Variants in IL23R observed in about 807,000 individuals in gnomAD.
IL23R encodes interleukin 23 receptor.
IL23R carries 34 observed loss-of-function variants against 56.9 expected under a neutral mutation model. The ratio of observed to expected loss-of-function variants is 0.60; its 90% confidence interval spans 0.45 to 0.80. The LOEUF (loss-of-function observed/expected upper bound fraction) is 0.80. Among genes scored for constraint, IL23R ranks in the 30% least tolerant of loss-of-function variants. The pLI is 0.00. For synonymous variants in IL23R, 230 were observed against 249.2 expected (o/e 0.92, Z 0.73); for missense variants, 635 against 730.0 (o/e 0.87, Z 1.50).
chr1:67,231,092 T>C (rs1266158511), intron 7 of IL23R, among the ~76,000 whole-genome samples: 1 of 152,206 alleles, frequency 6.6e-6, no homozygotes, highest in African/African-American at 2.4e-5. Context: ...CTTGAATATC[T>C]AGAACCCCTG....
chr1:67,168,263 GT>G, intron 2 of IL23R, 73 bp downstream of exon 2: 1 of 1,112,112 alleles, frequency 9.0e-7, no homozygotes, highest in East Asian at 2.4e-5. Flanking sequence ...CATTTTCATG[GT>G]TTTATGTTAG....
At chr1:67,157,575 G>A (rs1213144535) in intron 1 of IL23R, among the ~76,000 whole-genome samples, 4 of 152,002 alleles carry the variant, frequency 2.6e-5, no homozygotes, top group Non-Finnish European at 4.4e-5. Context: ...TTCCCACACC[G>A]GCCTCCATAC....
chr1:67,259,146 C>A lies in IL23R; in HGVS notation c.*18C>A. 1.9e-6 allele frequency: 3 copies of A among 1,612,870 alleles called. No individual in the cohort carries two copies. The South Asian group carries it at 3.3e-5, about 18-fold the overall frequency. On this transcript the variant is annotated 3_prime_UTR_variant, in exon 11 of 11. Coordinates refer to ENST00000347310, the MANE Select transcript of IL23R (RefSeq NM_144701.3). Reference sequence around the variant, plus strand: ...AAAAGTAGAGCTGTGTGGTCAAAATCAATATGAGAAAGCTGCCTTGCAATC... The same window carrying A: ...AAAAGTAGAGCTGTGTGGTCAAAATAAATATGAGAAAGCTGCCTTGCAATC...
chr1:67,168,145 G>C lies in IL23R; in HGVS notation c.25G>C (p.Asp9His). MNQVTIQW[D>H]AVIALYILFS... Reference sequence around the variant, plus strand: ...CATGAATCAGGTCACTATTCAATGGGATGCAGTAATAGCCCTTTACATACT... The same window carrying C: ...CATGAATCAGGTCACTATTCAATGGCATGCAGTAATAGCCCTTTACATACT... The change falls in exon 2 of 11, where the codon GAT becomes CAT. Residue 9 changes from aspartate to histidine, a missense_variant. By Grantham distance (81) the Asp-to-His change is moderately conservative (BLOSUM62 -1). Coordinates refer to ENST00000347310, the MANE Select transcript of IL23R (RefSeq NM_144701.3). The C allele has an allele frequency of 6.2e-7, 1 of 1,612,014 alleles. No individual in the cohort carries two copies. The highest frequency in any genetic ancestry group is 8.5e-7 in the Non-Finnish European group (1 of 1,178,264).
intron 9 of IL23R, among the ~76,000 whole-genome samples, chr1:67,254,834 A>C (rs909044997): frequency 1.3e-5 from 2 of 152,228 alleles, no homozygotes; most frequent in Non-Finnish European, 2.9e-5. Context: ...GTTTTTAAAC[A>C]CAATGGCAGT....
chr1:67,165,635 A>G (rs1646866252), upstream of IL23R, among the ~76,000 whole-genome samples: 1 of 152,218 alleles, frequency 6.6e-6, no homozygotes, highest in Non-Finnish European at 1.5e-5. Context: ...TGCAGCCATA[A>G]AAAGGAAGGA....
chr1:67,247,877 T>C (rs1652344083), intron 9 of IL23R, among the ~76,000 whole-genome samples: 1 of 152,182 alleles, frequency 6.6e-6, no homozygotes, highest in African/African-American at 2.4e-5. Context: ...TTATGAAGCT[T>C]AGTTTGGCTG....
chr1:67,239,488 C>T (rs1189987249), intron 8 of IL23R, among the ~76,000 whole-genome samples: 3 of 152,202 alleles, frequency 2.0e-5, no homozygotes, highest in Non-Finnish European at 2.9e-5. Context: ...TGGTCTCAAA[C>T]TTCTGAGCTC....
chr1:67,215,044 A>G (rs1490682903), intron 6 of IL23R, among the ~76,000 whole-genome samples: 3 of 152,162 alleles, frequency 2.0e-5, no homozygotes, highest in Non-Finnish European at 4.4e-5. Flanking sequence ...GCTTGCTCAA[A>G]TCAATCACGA....
intron 1 of IL23R, among the ~76,000 whole-genome samples, chr1:67,158,836 C>T (rs989919731): frequency 2.0e-5 from 3 of 151,190 alleles, no homozygotes; most frequent in Admixed American, 1.3e-4. Context: ...GCAGATTTTA[C>T]CCTTGGTGTT....
chr1:67,190,181 C>T (rs1347959294), intron 4 of IL23R, among the ~76,000 whole-genome samples: 1 of 152,190 alleles, frequency 6.6e-6, no homozygotes, highest in African/African-American at 2.4e-5. Flanking sequence ...TAGAGAGAAG[C>T]TTTTTACCTG....
chr1:67,244,671 A>G (rs1411386904), intron 9 of IL23R, among the ~76,000 whole-genome samples: 4 of 151,996 alleles, frequency 2.6e-5, no homozygotes, highest in Non-Finnish European at 5.9e-5. Flanking sequence ...ATTGGTCTAT[A>G]TATCTGTTTT....
intron 6 of IL23R, among the ~76,000 whole-genome samples, chr1:67,212,804 C>T (rs1429926631): frequency 3.9e-5 from 6 of 152,204 alleles, no homozygotes; most frequent in African/African-American, 1.4e-4. Flanking sequence ...ACCATCCCGC[C>T]TCAGCCTCCC....
At position 67,160,543 on chromosome 1, in the gene IL23R, G is replaced by C. The variant is rs531172223; in HGVS notation, c.-633-7549G>C. Among the ~76,000 whole-genome samples, 164 of 152,216 alleles carry C rather than the reference G, an allele frequency of 1.1e-3. 3 individuals carry two copies. The highest frequency in any genetic ancestry group is 1.5e-3 in the Non-Finnish European group (100 of 68,016). On this transcript the variant is annotated intron_variant, in intron 1 of 10. Transcript: ENST00000637002. The stretch of plus-strand genomic sequence containing the variant: ...GATTTGCAAACCAGACTATCTTATT[G>C]ATATCTTTGTTAATTTGGACAACTT...
At chr1:67,228,141 TG>T (rs1650844022) in intron 7 of IL23R, among the ~76,000 whole-genome samples, 13 of 133,162 alleles carry the variant, frequency 9.8e-5, no homozygotes, top group Non-Finnish European at 1.6e-4. Context: ...TCTTTCTTTC[TG>T]TCTTTCTTTT....
At chr1:67,248,388 C>T (rs938685416) in intron 9 of IL23R, among the ~76,000 whole-genome samples, 2 of 152,138 alleles carry the variant, frequency 1.3e-5, no homozygotes, top group African/African-American at 4.8e-5. Context: ...GGTATTCTTT[C>T]TTCCACTTGA....
rs374849756 is a variant in IL23R at position 67,178,526 on chromosome 1, G to A, written c.368-4310G>A. 3.3e-4 allele frequency among the ~76,000 whole-genome samples: 51 copies of A among 152,256 alleles called. No individual in the cohort carries two copies. In the East Asian group the frequency reaches 4.8e-3, roughly 14 times the overall value. On this transcript the variant is annotated intron_variant, in intron 3 of 10. Coordinates refer to ENST00000347310, the MANE Select transcript of IL23R (RefSeq NM_144701.3). ...GCTTAAGGAGATTTTGGGCTGAGACGATGGGGTTTTCTAGATATACAATCA... is the reference window on the plus strand; with the variant it reads ...GCTTAAGGAGATTTTGGGCTGAGACAATGGGGTTTTCTAGATATACAATCA...
chr1:67,231,194 C>T (rs757526536), intron 7 of IL23R, among the ~76,000 whole-genome samples: 1 of 152,042 alleles, frequency 6.6e-6, no homozygotes, highest in African/African-American at 2.4e-5. Flanking sequence ...GATTGGCAAG[C>T]GCAAAAGTAA....
chr1:67,163,036 C>T (rs1156391019), upstream of IL23R, among the ~76,000 whole-genome samples: 2 of 152,148 alleles, frequency 1.3e-5, no homozygotes, highest in South Asian at 2.1e-4. Context: ...AATAAGTCAA[C>T]ATTGGCTTTT....
Sources: allele counts gnomAD v4.1 joint callset (sites outside exome capture counted in the v4.1 genomes callset), GRCh38; gene constraint gnomAD v4.1.1; transcripts MANE v1.5; gene names NCBI Gene and HGNC (gene_info 2026-07-23, HGNC 2026-07-21).